Variants in RPS6KC1 observed in about 807,000 individuals in gnomAD.
RPS6KC1 encodes ribosomal protein S6 kinase C1, also known as inactive ribosomal protein S6 kinase delta-1.
A neutral mutation model predicts 103.8 loss-of-function variants in RPS6KC1; 54 were observed. The ratio of observed to expected loss-of-function variants is 0.52; its 90% CI spans 0.42 to 0.65. RPS6KC1 has a LOEUF of 0.65. Ranked by LOEUF, RPS6KC1 falls within the 30% of genes least tolerant of loss-of-function variation. RPS6KC1 has a pLI of 0.00. For synonymous variants in RPS6KC1, 439 were observed against 438.7 expected (o/e 1.00, Z -0.01); for missense variants, 1,151 against 1,253.8 (o/e 0.92, Z 1.24).
At chr1:213,598,936 A>G in the RPS6KC1 span, among the ~76,000 whole-genome samples, 1 of 152,018 alleles carries the variant, frequency 6.6e-6, no homozygotes, top group Admixed American at 6.6e-5. Flanking sequence ...AAACAAAACA[A>G]AACCAAAAAA....
the RPS6KC1 span, among the ~76,000 whole-genome samples, chr1:213,621,974 C>G: frequency 6.6e-6 from 1 of 152,134 alleles, no homozygotes; most frequent in African/African-American, 2.4e-5. Context: ...ACTGTGTTAG[C>G]CCTGTATGCC....
chr1:213,536,161 G>A, the RPS6KC1 span, among the ~76,000 whole-genome samples: 1 of 152,148 alleles, frequency 6.6e-6, no homozygotes, highest in South Asian at 2.1e-4. Context: ...CAAGTTCAGG[G>A]TTATAAAAAA....
chr1:213,171,033 GTTAA>G (rs2091435614), intron 7 of RPS6KC1, among the ~76,000 whole-genome samples: 1 of 152,054 alleles, frequency 6.6e-6, no homozygotes, highest in Non-Finnish European at 1.5e-5. Flanking sequence ...TTAAATTTTT[GTTAA>G]TTATTGTTTT....
chr1:213,235,978 CG>C (rs1300225609), intron 10 of RPS6KC1, among the ~76,000 whole-genome samples: 3 of 150,702 alleles, frequency 2.0e-5, no homozygotes, highest in East Asian at 2.0e-4. Context: ...GGGCCACAGA[CG>C]GGTACCTGGA....
intron 12 of RPS6KC1, among the ~76,000 whole-genome samples, chr1:213,251,359 T>A (rs1243450878): frequency 6.6e-6 from 1 of 152,082 alleles, no homozygotes; most frequent in Non-Finnish European, 1.5e-5. Context: ...ACCTGCCTGG[T>A]CCTCTCAAAG....
At chr1:213,508,904 C>A in the RPS6KC1 span, among the ~76,000 whole-genome samples, 339 of 152,260 alleles carry the variant, frequency 2.2e-3, 2 homozygotes, top group South Asian at 9.1e-3. Flanking sequence ...GAGATTAGAA[C>A]TTCTAACTCG....
At position 213,241,379 on chromosome 1, in the gene RPS6KC1, C is replaced by G. The variant is rs1201966198; in HGVS notation, c.1903C>G (p.Leu635Val). 1 of 1,613,894 alleles carries G rather than the reference C, an allele frequency of 6.2e-7. No homozygotes were observed. ...AGAACCTTTGAAACCATTCTTTACT[C>G]TTCCAGATGGAGACAGTGCTTCTAG... ...KSEPLKPFFTLPDGDSASRSF... is the reference protein window; with the variant it reads ...KSEPLKPFFTVPDGDSASRSF... The change falls in exon 11 of 15, where the codon CTT becomes GTT. Residue 635 changes from leucine (L) to valine (V), a missense_variant. Transcript: ENST00000366960.
At chr1:213,581,754 C>T in the RPS6KC1 span, among the ~76,000 whole-genome samples, 2 of 152,140 alleles carry the variant, frequency 1.3e-5, no homozygotes, top group Non-Finnish European at 2.9e-5. Context: ...CTTTCTTCTA[C>T]TGCTGTCTAC....
the RPS6KC1 span, among the ~76,000 whole-genome samples, chr1:213,647,772 A>G: frequency 0.044 from 6,687 of 152,304 alleles, 355 homozygotes; most frequent in African/African-American, 0.12. Flanking sequence ...AAATATCCCA[A>G]AGTACCATTT....
At chr1:213,750,495 A>C in the RPS6KC1 span, among the ~76,000 whole-genome samples, 1 of 152,312 alleles carries the variant, frequency 6.6e-6, no homozygotes, top group Admixed American at 6.5e-5. Flanking sequence ...AGCCCAGGAG[A>C]GACGATGAGG....
the RPS6KC1 span, among the ~76,000 whole-genome samples, chr1:213,643,312 C>T: frequency 6.6e-6 from 1 of 151,754 alleles, no homozygotes; most frequent in Admixed American, 6.6e-5. Flanking sequence ...TTATGTTCTT[C>T]AGGAAAGAAA....
At chr1:213,509,338 TC>T in the RPS6KC1 span, among the ~76,000 whole-genome samples, 1 of 151,482 alleles carries the variant, frequency 6.6e-6, no homozygotes, top group African/African-American at 2.4e-5. Flanking sequence ...AGAGAGTTGA[TC>T]CTTTTTTTTT....
At chr1:213,155,326 C>T (rs1359418857) in intron 6 of RPS6KC1, among the ~76,000 whole-genome samples, 2 of 152,112 alleles carry the variant, frequency 1.3e-5, no homozygotes, top group Admixed American at 6.6e-5. Flanking sequence ...TAGGACTCGC[C>T]TACAAGTTGC....
At chr1:213,085,517 A>G (rs1406100596) in intron 3 of RPS6KC1, among the ~76,000 whole-genome samples, 1 of 152,156 alleles carries the variant, frequency 6.6e-6, no homozygotes, top group Non-Finnish European at 1.5e-5. Flanking sequence ...TATTTGTAAG[A>G]TCATGAAAAC....
At chr1:213,733,810 T>C in the RPS6KC1 span, among the ~76,000 whole-genome samples, 1 of 152,198 alleles carries the variant, frequency 6.6e-6, no homozygotes, top group African/African-American at 2.4e-5. Flanking sequence ...CTAAGGCTTC[T>C]ATGAGAGAGT....
the RPS6KC1 span, among the ~76,000 whole-genome samples, chr1:213,475,752 C>G: frequency 7.2e-5 from 11 of 152,308 alleles, no homozygotes; most frequent in African/African-American, 2.6e-4. Context: ...GAGGTTCTAG[C>G]TATTTCACCG....
chr1:213,247,770 A>G (rs1289848211), intron 12 of RPS6KC1, among the ~76,000 whole-genome samples: 1 of 152,162 alleles, frequency 6.6e-6, no homozygotes, highest in Non-Finnish European at 1.5e-5. Flanking sequence ...CTTACACAAA[A>G]TGTACTCAAA....
chr1:213,075,051 T>C (rs940686595), intron 2 of RPS6KC1, among the ~76,000 whole-genome samples: 3 of 151,564 alleles, frequency 2.0e-5, no homozygotes, highest in African/African-American at 4.8e-5. Context: ...TGGGGTTTCA[T>C]TGTGTTAGCC....
the RPS6KC1 span, among the ~76,000 whole-genome samples, chr1:213,353,508 C>T: frequency 6.6e-6 from 1 of 152,246 alleles, no homozygotes; most frequent in East Asian, 1.9e-4. Flanking sequence ...CTGGCTCTTA[C>T]ATCCATATCT....
Sources: gnomAD v4.1 joint callset for allele counts (sites outside exome capture counted in the v4.1 genomes callset) on GRCh38, gnomAD v4.1.1 for gene constraint, MANE v1.5 for transcripts, NCBI Gene and HGNC (gene_info 2026-07-23, HGNC 2026-07-21) for gene names.